GRAMD4: variants seen among roughly 807,000 people sequenced by gnomAD.
GRAMD4 encodes the protein GRAM domain-containing protein 4.
GRAMD4 carries 25 observed loss-of-function variants against 83.9 expected under a neutral mutation model. The observed-to-expected ratio is 0.30, with a 90% confidence interval of 0.22 to 0.42. The LOEUF is 0.42. Among genes scored for constraint, GRAMD4 ranks in the 10% least tolerant of loss-of-function variants. The pLI is 1.00. For synonymous variants in GRAMD4, 336 were observed against 320.9 expected, an observed-to-expected ratio of 1.05 and a Z score of -0.50; for missense variants, 593 against 788.7, an observed-to-expected ratio of 0.75 and a Z score of 2.97.
At chr22:46,588,693 C>T (rs868253339) in intron 1 of GRAMD4, among the ~76,000 whole-genome samples, 4 of 151,694 alleles carry the variant, frequency 2.6e-5, no homozygotes, top group Admixed American at 6.5e-5. Context: ...CCTCCTTCCC[C>T]GGCCTGATCC....
rs7289688 is a variant in GRAMD4, at chr22:46,600,155, G to C, written c.-50+22865G>C. 1.5e-3 allele frequency among the ~76,000 whole-genome samples: 229 copies of C among 152,278 alleles called. 3 individuals are homozygous for C. Among genetic ancestry groups the C allele is most frequent in the South Asian group, 5.0e-3 (24 of 4,818 alleles). On this transcript the variant is annotated intron_variant, in intron 1 of 1. Transcript: ENST00000431155. ...ATTTTTAAAGGCTGGTGACACCTGT[G>C]CCCTTCTGTGAGAGAATCACCTGCC... is the stretch of plus-strand genomic sequence containing the variant.
chr22:46,638,144 C>T (rs560000069), intron 3 of GRAMD4, among the ~76,000 whole-genome samples, 184 bp downstream of exon 3: 2 of 152,334 alleles, frequency 1.3e-5, no homozygotes, highest in African/African-American at 4.8e-5. Context: ...CCCGGCACAG[C>T]CTCTGTCTCT....
intron 1 of GRAMD4, 68 bp from the exon 2 acceptor site, chr22:46,626,683 T>C (rs111475152): frequency 2.9e-5 from 28 of 958,528 alleles, no homozygotes; most frequent in Middle Eastern, 2.4e-4. Flanking sequence ...CTGTGCCCTG[T>C]GTGTGGGAGC....
chr22:46,613,254 C>T (rs1052773696), intron 1 of GRAMD4, among the ~76,000 whole-genome samples: 3 of 152,234 alleles, frequency 2.0e-5, no homozygotes, highest in East Asian at 1.9e-4. Context: ...GGCCCCTGTC[C>T]GAGGTCACAC....
chr22:46,620,546 T>C lies in GRAMD4; in HGVS notation c.-69T>C. 2 of 921,686 alleles carry C rather than the reference T, an allele frequency of 2.2e-6. No homozygotes were observed. Among genetic ancestry groups the C allele is most frequent in the East Asian group, 2.5e-4 (2 of 7,862 alleles). The allele number at this position is 921,686 out of a possible 1,614,324, so 57.1% of individuals were successfully genotyped here. ...GCCACAGTGAAAGAGTGTTTCTGGA[T>C]GTATCTGAGACAGACGGAGGTAGGG... is the stretch of plus-strand genomic sequence containing the variant. On this transcript the variant is annotated 5_prime_UTR_variant, in exon 1 of 19. The change abolishes an upstream ATG in the 5' untranslated region. Transcript: ENST00000406902. This position sits in a 1 kb window ranked among gnomAD's most constrained non-coding sequence, Gnocchi z 4.7.
chr22:46,678,889 C>T lies in GRAMD4; in HGVS notation c.*1638C>T, dbSNP rs1187978616. On this transcript the variant is annotated 3_prime_UTR_variant, in exon 19 of 19. Transcript: ENST00000406902. ...ACATGTCCTATCCCAGGCGGTGGAG[C>T]GGAGCCCCCGTGGCTCTGGACTGCG... The T allele has an allele frequency of 9.1e-6, 9 of 985,744 alleles. No homozygotes were observed. The highest frequency in any genetic ancestry group is 1.1e-4 in the East Asian group (1 of 8,806). The allele number at this position is 985,744 out of a possible 1,614,324, so 61.1% of individuals were successfully genotyped here.
Position 46,653,862 on chromosome 22 carries a change from G to C in GRAMD4, c.284-4325G>C, listed in dbSNP as rs375251725. ...CTACTCCGCCCAAGAGGCCTGCCGG[G>C]AGCAAGCCTGCCCAGTGTGACTTGT... is the stretch of plus-strand genomic sequence containing the variant. On this transcript the variant is annotated intron_variant, in intron 3 of 18. Transcript: ENST00000406902. Among the ~76,000 whole-genome samples, 35 of 152,268 alleles carry C rather than the reference G, an allele frequency of 2.3e-4. 1 individual carries two copies. The East Asian group carries it at 4.1e-3, about 18-fold the overall frequency.
chr22:46,652,208 C>T (rs1230553272), intron 3 of GRAMD4, among the ~76,000 whole-genome samples: 1 of 152,100 alleles, frequency 6.6e-6, no homozygotes, highest in Non-Finnish European at 1.5e-5. Flanking sequence ...CGCACAGTCA[C>T]CACAAAGGTT....
chr22:46,587,134 C>A (rs2081158645), intron 1 of GRAMD4, among the ~76,000 whole-genome samples: 1 of 152,188 alleles, frequency 6.6e-6, no homozygotes, highest in Admixed American at 6.5e-5. Flanking sequence ...TTATCCCCTG[C>A]CCTGGGGGAA....
chr22:46,675,680 G>A (rs571073521), intron 17 of GRAMD4, 128 bp downstream of exon 17: 28 of 687,818 alleles, frequency 4.1e-5, no homozygotes, highest in African/African-American at 3.4e-4. Context: ...CACGCTGGCC[G>A]GCCATGGTCC....
chr22:46,653,735 G>A lies in GRAMD4; in HGVS notation c.284-4452G>A, dbSNP rs1257093153. 2.0e-5 allele frequency among the ~76,000 whole-genome samples: 3 copies of A among 152,354 alleles called. 1 individual carries two copies. In the South Asian group the frequency reaches 6.2e-4, roughly 32 times the overall value. ...GCCTCTCTGACCTATGGATGGAGAGGCATGTGGGCTGCCTTGACCTTGACA... is the reference window on the plus strand; with the variant it reads ...GCCTCTCTGACCTATGGATGGAGAGACATGTGGGCTGCCTTGACCTTGACA... On this transcript the variant is annotated intron_variant, in intron 3 of 18. Transcript: ENST00000406902.
intron 1 of GRAMD4, chr22:46,577,370 G>A: frequency 1.1e-6 from 1 of 887,914 alleles, no homozygotes; most frequent in African/African-American, 1.9e-5. Context: ...GGCGGCTCGC[G>A]ACCCAGCTCA....
rs191758607 is a variant in GRAMD4 at position 46,642,574 on chromosome 22, T to C, written c.283+4614T>C. ...AATATCACAAGATTACTCAATGCAG[T>C]CTCTATTTGTTTCTTGTTCTTTTGT... is the stretch of plus-strand genomic sequence containing the variant. On this transcript the variant is annotated intron_variant, in intron 3 of 18. Transcript: ENST00000406902. 7.9e-5 allele frequency among the ~76,000 whole-genome samples: 12 copies of C among 152,304 alleles called. No individual in the cohort carries two copies. The East Asian group carries it at 2.3e-3, about 29-fold the overall frequency.
In GRAMD4 at chr22:46,622,652, G is replaced by C. The variant is rs932441352; in HGVS notation, c.-50+2087G>C. On this transcript the variant is annotated intron_variant, in intron 1 of 18. Transcript: ENST00000406902. This position sits in a 1 kb window ranked among gnomAD's most constrained non-coding sequence, Gnocchi z 4.0. ...AGTTGGGCTGAGCACGGCGGCTCAC[G>C]CCTGTAATCCCAGCACTTTGGGAGG... Among the ~76,000 whole-genome samples, 2 of 152,162 alleles carry C rather than the reference G, an allele frequency of 1.3e-5. No individual in the cohort carries two copies. The highest frequency in any genetic ancestry group is 3.9e-4 in the East Asian group (2 of 5,192).
upstream of GRAMD4, among the ~76,000 whole-genome samples, chr22:46,619,993 C>T (rs1348569355): frequency 6.6e-6 from 1 of 152,182 alleles, no homozygotes; most frequent in Non-Finnish European, 1.5e-5. Flanking sequence ...GGCGTGCCAG[C>T]AGCCGGGCCC....
At position 46,666,850 on chromosome 22, in the gene GRAMD4, G is replaced by A; in HGVS notation, c.835G>A (p.Val279Met). The change falls in exon 10 of 19, where the codon GTG becomes ATG. Residue 279 changes from valine (V) to methionine (M), a missense_variant. Around this residue, in one of 4 missense-constraint regions of GRAMD4, gnomAD observed 36 missense variants for 85.8 expected, o/e 0.42. Coordinates refer to ENST00000406902, the MANE Select transcript of GRAMD4 (RefSeq NM_015124.5). ...ARGWRIQWSI[V>M]PEVSEPVEPP... is the part of the protein sequence containing the mutation. ...GGGGTGGCGGATACAGTGGAGCATCGTGCCCGAAGTGTCTGAGCCCGTGGT... is the reference window on the plus strand; with the variant it reads ...GGGGTGGCGGATACAGTGGAGCATCATGCCCGAAGTGTCTGAGCCCGTGGT... 2 of 1,605,238 alleles carry A rather than the reference G, an allele frequency of 1.2e-6. No individual in the cohort carries two copies. Among genetic ancestry groups the A allele is most frequent in the Non-Finnish European group, 1.7e-6 (2 of 1,175,736 alleles).
chr22:46,583,043 G>A (rs1225978859), intron 1 of GRAMD4, among the ~76,000 whole-genome samples: 2 of 152,140 alleles, frequency 1.3e-5, no homozygotes, highest in African/African-American at 4.8e-5. Flanking sequence ...TCCTACCTCA[G>A]CCTCCCAAGT....
chr22:46,616,289 T>C (rs555258331), upstream of GRAMD4, among the ~76,000 whole-genome samples: 12 of 32,514 alleles, frequency 3.7e-4, 6 homozygotes, highest in African/African-American at 1.3e-3. Flanking sequence ...CAGGTTCCCC[T>C]GTGTGTGTGG....
At chr22:46,669,692 C>T (rs902541049) in intron 13 of GRAMD4, among the ~76,000 whole-genome samples, 1 of 151,928 alleles carries the variant, frequency 6.6e-6, no homozygotes, top group Non-Finnish European at 1.5e-5. Context: ...TCTCCTGCCT[C>T]AGCCTCCCAA....
Sources: gnomAD v4.1 joint callset for allele counts (sites outside exome capture counted in the v4.1 genomes callset) on GRCh38, gnomAD v4.1.1 for gene constraint, gnomAD v4.1.1 regional missense constraint, Gnocchi (gnomAD v3.1) non-coding constraint, MANE v1.5 for transcripts, NCBI Gene and HGNC (gene_info 2026-07-23, HGNC 2026-07-21) for gene names.